ENPP6: variants seen among roughly 807,000 people sequenced by gnomAD.
The protein encoded by ENPP6 is glycerophosphocholine cholinephosphodiesterase ENPP6.
Under a neutral mutation model 42.0 loss-of-function variants are expected in ENPP6, and 32 were observed. That is an observed-to-expected ratio of 0.76 (90% CI 0.58 to 1.02). ENPP6 has a LOEUF of 1.02. ENPP6 is among the 50% of genes least tolerant of loss of function. ENPP6 has a pLI of 0.00. For synonymous variants in ENPP6, 213 were observed against 216.0 expected (o/e 0.99, Z 0.12); for missense variants, 552 against 566.8 (o/e 0.97, Z 0.27).
rs1275309813 is a variant in ENPP6, at chr4:184,091,368, A to G, written c.1132T>C (p.Phe378Leu). 1.2e-6 allele frequency: 2 copies of G among 1,602,948 alleles called. No individual in the cohort carries two copies. The highest frequency in any genetic ancestry group is 1.7e-6 in the Non-Finnish European group (2 of 1,174,514). ...ACCGACCTGATAGGAGCAGCTCTGA[A>G]GTTGGATTTGAAATCTGAAAGGGAA... ...LAFGPDFKSN[F>L]RAAPIRSVDV... The change falls in exon 8 of 8, where the codon TTC (phenylalanine) becomes CTC (leucine). Residue 378 changes from phenylalanine to leucine, a missense_variant. By Grantham distance (22) the Phe-to-Leu change is conservative (BLOSUM62 0). Coordinates refer to ENST00000296741, the MANE Select transcript of ENPP6 (RefSeq NM_153343.4).
chr4:184,201,715 T>C (rs1328029522), intron 1 of ENPP6, among the ~76,000 whole-genome samples: 1 of 149,508 alleles, frequency 6.7e-6, no homozygotes, highest in Non-Finnish European at 1.5e-5. Context: ...GGAGACATTA[T>C]TTTAGTAAAT....
chr4:184,199,885 A>C (rs572129985), intron 1 of ENPP6, among the ~76,000 whole-genome samples: 2 of 152,270 alleles, frequency 1.3e-5, no homozygotes, highest in Non-Finnish European at 1.5e-5. Context: ...GAACCTCTCT[A>C]TGGTATTTCC....
At chr4:184,204,521 G>T (rs1467693093) in intron 1 of ENPP6, among the ~76,000 whole-genome samples, 2 of 152,140 alleles carry the variant, frequency 1.3e-5, no homozygotes, top group Non-Finnish European at 2.9e-5. Context: ...TTCCATGCGT[G>T]GCTGTTGGCT....
intron 1 of ENPP6, among the ~76,000 whole-genome samples, chr4:184,214,131 C>T: frequency 7.0e-6 from 1 of 143,574 alleles, no homozygotes; most frequent in Non-Finnish European, 1.5e-5. Context: ...GGGAGATATA[C>T]CTAATGCTAG....
intron 2 of ENPP6, among the ~76,000 whole-genome samples, chr4:184,135,877 T>G (rs777084022): frequency 3.9e-5 from 6 of 152,188 alleles, no homozygotes; most frequent in African/African-American, 7.2e-5. Flanking sequence ...GTTTTGAATT[T>G]TATGTAAATG....
intron 6 of ENPP6, among the ~76,000 whole-genome samples, chr4:184,104,580 A>G (rs1057126667): frequency 6.6e-6 from 1 of 152,190 alleles, no homozygotes. Context: ...CTCTGGGTCA[A>G]CTGAGGTCAG....
intron 1 of ENPP6, among the ~76,000 whole-genome samples, chr4:184,156,041 A>G (rs1737154592): frequency 6.6e-6 from 1 of 152,188 alleles, no homozygotes; most frequent in South Asian, 2.1e-4. Flanking sequence ...GGAGACAGAG[A>G]GAGACAGAGA....
Position 184,184,007 on chromosome 4 carries a change from G to T in ENPP6, c.242-30274C>A, listed in dbSNP as rs2111102639. On this transcript the variant is annotated intron_variant, in intron 1 of 7. Coordinates refer to ENST00000296741, the MANE Select transcript of ENPP6 (RefSeq NM_153343.4). The surrounding 1 kb of genome is among the most constrained non-coding windows in gnomAD (Gnocchi z 4.7). ...GTTGGTGCTCAGGGCGATCCTGGAA[G>T]TTGGACATGGTGCAGCCTTCATCCG... 6.6e-6 allele frequency among the ~76,000 whole-genome samples: 1 copy of T among 152,336 alleles called. No individual in the cohort carries two copies. The highest frequency in any genetic ancestry group is 2.1e-4 in the South Asian group (1 of 4,826).
At chr4:184,153,271 A>G (rs925098191) in intron 2 of ENPP6, among the ~76,000 whole-genome samples, 3 of 151,912 alleles carry the variant, frequency 2.0e-5, no homozygotes, top group Non-Finnish European at 4.4e-5. Flanking sequence ...GATTACAGGC[A>G]TGCACCACCA....
intron 1 of ENPP6, among the ~76,000 whole-genome samples, chr4:184,166,655 T>C (rs1227471932): frequency 6.6e-6 from 1 of 152,234 alleles, no homozygotes; most frequent in African/African-American, 2.4e-5. Flanking sequence ...GAAAATGAAA[T>C]CTCTTTTGAG....
rs1736270142 is a variant in ENPP6 at position 184,113,956 on chromosome 4, T to TTTCTTTCC, written c.856-1148_856-1147insGGAAAGAA. On this transcript the variant is annotated intron_variant, in intron 5 of 7. Coordinates refer to ENST00000296741, the MANE Select transcript of ENPP6 (RefSeq NM_153343.4). ...CTTTCTTTCTTTCTTTCTTTCTTTC[T>TTTCTTTCC]TTCTTTCTCTCTTTCTTTCTTTCTT... 2.7e-5 allele frequency among the ~76,000 whole-genome samples: 4 copies of TTTCTTTCC among 147,236 alleles called. No homozygotes were observed. In the East Asian group the frequency reaches 7.9e-4, roughly 29 times the overall value.
chr4:184,132,824 C>CATATATATACATATATACATATAT lies in ENPP6; in HGVS notation c.422-8553_422-8552insATATATGTATATATGTATATATAT, dbSNP rs1560988107. 1.5e-3 allele frequency among the ~76,000 whole-genome samples: 25 copies of CATATATATACATATATACATATAT among 16,412 alleles called. 1 individual carries two copies. The highest frequency in any genetic ancestry group is 0.013 in the Admixed American group (13 of 1,032). 10.8% of individuals were successfully genotyped at this position (16,412 alleles called of 152,430 possible). A position where few individuals can be genotyped will look rare whatever the true frequency, so the allele number is the denominator to read the frequency against. ...ATATACATATATACATATATACACA[C>CATATATATACATATATACATATAT]ACACACACACATATATATATATATA... On this transcript the variant is annotated intron_variant, in intron 2 of 7. Transcript: ENST00000296741.
At chr4:184,153,804 C>T (rs970622776) in intron 1 of ENPP6, 71 bp from the exon 2 acceptor site, 33 of 1,522,160 alleles carry the variant, frequency 2.2e-5, no homozygotes, top group Middle Eastern at 3.5e-4. Flanking sequence ...GTTTCTTGAT[C>T]ATATAAGCCA....
chr4:184,091,031 G>C lies in ENPP6; in HGVS notation c.*146C>G, dbSNP rs1735780312. The C allele has an allele frequency of 1.4e-6, 1 of 735,194 alleles. No homozygotes were observed. The highest frequency in any genetic ancestry group is 2.0e-6 in the Non-Finnish European group (1 of 505,666). The allele number at this position is 735,194 out of a possible 1,614,324, so 45.5% of individuals were successfully genotyped here. The stretch of plus-strand genomic sequence containing the variant: ...TAACAAGTAGGAACTTTTATGTATA[G>C]AATTATCCAAGAATAATGTATTTAC... On this transcript the variant is annotated 3_prime_UTR_variant, in exon 8 of 8. Coordinates refer to ENST00000296741, the MANE Select transcript of ENPP6 (RefSeq NM_153343.4).
chr4:184,212,075 G>C (rs1459909209), intron 1 of ENPP6, among the ~76,000 whole-genome samples: 1 of 151,754 alleles, frequency 6.6e-6, no homozygotes, highest in East Asian at 1.9e-4. Context: ...ATTAGGTATT[G>C]ATGGGACTTA....
chr4:184,189,683 G>A (rs1421726057), intron 1 of ENPP6, among the ~76,000 whole-genome samples: 1 of 152,276 alleles, frequency 6.6e-6, no homozygotes, highest in East Asian at 1.9e-4. Context: ...AATAAACTCC[G>A]TGGAGTCCTT....
intron 2 of ENPP6, among the ~76,000 whole-genome samples, chr4:184,132,792 C>CAT (rs976266949): frequency 1.4e-4 from 21 of 148,838 alleles, no homozygotes; most frequent in Middle Eastern, 3.5e-3. Flanking sequence ...CATATATACA[C>CAT]ACATATATAT....
chr4:184,187,483 C>G (rs541495498), intron 1 of ENPP6, among the ~76,000 whole-genome samples: 9 of 152,212 alleles, frequency 5.9e-5, no homozygotes, highest in Non-Finnish European at 1.0e-4. Flanking sequence ...CTCTTGGCTT[C>G]CTCCAATATC....
At chr4:184,135,494 T>G (rs1736717367) in intron 2 of ENPP6, among the ~76,000 whole-genome samples, 1 of 152,356 alleles carries the variant, frequency 6.6e-6, no homozygotes, top group Non-Finnish European at 1.5e-5. Context: ...CTAATGTTAT[T>G]ATAGCTGCAC....
Sources: allele counts gnomAD v4.1 joint callset (sites outside exome capture counted in the v4.1 genomes callset), GRCh38; gene constraint gnomAD v4.1.1; non-coding constraint Gnocchi (gnomAD v3.1); transcripts MANE v1.5; gene names NCBI Gene and HGNC (gene_info 2026-07-23, HGNC 2026-07-21).